The following MTA3 variants were observed in gnomAD, a reference collection of about 807,000 sequenced individuals.
MTA3 encodes metastasis associated 1 family member 3.
A neutral mutation model predicts 83.5 loss-of-function variants in MTA3; 34 were observed. The observed-to-expected ratio is 0.41, with a 90% CI of 0.31 to 0.54. The LOEUF is 0.54. MTA3 is among the 20% of genes least tolerant of loss of function. The pLI, the probability that MTA3 is intolerant of heterozygous loss-of-function variation, is 0.33. For synonymous variants in MTA3, 303 were observed against 252.7 expected, an observed-to-expected ratio of 1.20 and a Z score of -1.89; for missense variants, 761 against 726.4, an observed-to-expected ratio of 1.05 and a Z score of -0.55.
chr2:42,587,380 C>A (rs1361206513), intron 3 of MTA3, among the ~76,000 whole-genome samples: 1 of 152,074 alleles, frequency 6.6e-6, no homozygotes, highest in Non-Finnish European at 1.5e-5. Context: ...AGTGTAAAAA[C>A]TCCCTATATC....
chr2:42,582,594 C>T (rs1179596322), intron 3 of MTA3, among the ~76,000 whole-genome samples: 2 of 151,992 alleles, frequency 1.3e-5, no homozygotes, highest in Non-Finnish European at 1.5e-5. Flanking sequence ...TCGAGATCAG[C>T]CTGGCCAACT....
At position 42,756,633 on chromosome 2, in the gene MTA3, AG is replaced by A; in HGVS notation, c.*3239del. On this transcript the variant is annotated 3_prime_UTR_variant, in exon 17 of 17. Transcript: ENST00000405094. ...AGAGAGGAAACGGCTTTGGGGAGGG[AG>A]GGGGAAGCCTTTATTCTTTACTGTT... 1.0e-6 allele frequency: 1 copy of A among 985,284 alleles called. No homozygotes were observed. The highest frequency in any genetic ancestry group is 1.2e-6 in the Non-Finnish European group (1 of 829,928). The allele number at this position is 985,284 out of a possible 1,614,324, so 61.0% of individuals were successfully genotyped here.
chr2:42,591,746 G>C (rs1313094936), intron 3 of MTA3, among the ~76,000 whole-genome samples: 1 of 152,030 alleles, frequency 6.6e-6, no homozygotes, highest in Non-Finnish European at 1.5e-5. Context: ...CGCCTTCCAG[G>C]TTCAAGCAAT....
At chr2:42,629,280 C>T (rs1293119039) in intron 4 of MTA3, among the ~76,000 whole-genome samples, 3 of 151,958 alleles carry the variant, frequency 2.0e-5, no homozygotes, top group South Asian at 2.1e-4. Context: ...AGGGTTTCAC[C>T]GTGTTGGCCA....
chr2:42,710,549 CA>C (rs765315082), intron 14 of MTA3, among the ~76,000 whole-genome samples: 10,324 of 61,430 alleles, frequency 0.17, 122 homozygotes, highest in East Asian at 0.25. Flanking sequence ...AACTTCATCT[CA>C]AAAAAAAAAA....
At chr2:42,641,066 C>T (rs1291896988) in intron 5 of MTA3, among the ~76,000 whole-genome samples, 3 of 151,958 alleles carry the variant, frequency 2.0e-5, no homozygotes, top group Non-Finnish European at 4.4e-5. Flanking sequence ...GCCACCATAC[C>T]CGGCTAATTT....
At position 42,709,075 on chromosome 2, in the gene MTA3, T is replaced by C. The variant is rs372932105; in HGVS notation, c.1504T>C (p.Tyr502His). ...AAGACGGCCGTTTGTTGCTATTAAT[T>C]ATGCTGCCATTAGGGCAGAATGTAA... ...AARRPFVAIN[Y>H]AAIRAEYADR... The change falls in exon 14 of 17, where the codon TAT (tyrosine) becomes CAT (histidine). Residue 502 changes from tyrosine to histidine, a missense_variant. Physicochemically the swap from Tyr to His is moderately conservative, Grantham distance 83. Transcript: ENST00000405094. The C allele has an allele frequency of 6.2e-7, 1 of 1,606,866 alleles. No individual in the cohort carries two copies. Among genetic ancestry groups the C allele is most frequent in the Non-Finnish European group, 8.5e-7 (1 of 1,176,372 alleles).
intron 3 of MTA3, 122 bp downstream of exon 3, chr2:42,579,322 G>C (rs1679366302): frequency 1.5e-6 from 1 of 689,012 alleles, no homozygotes; most frequent in Non-Finnish European, 2.4e-6. Context: ...TTGTAGTTTT[G>C]ATGGGAGTAA....
intron 8 of MTA3, among the ~76,000 whole-genome samples, chr2:42,664,356 G>T (rs541903703): frequency 6.6e-6 from 1 of 151,358 alleles, no homozygotes; most frequent in Admixed American, 6.6e-5. Context: ...AAGGTTCATT[G>T]GTTGTTTTGT....
intron 6 of MTA3, among the ~76,000 whole-genome samples, chr2:42,646,424 A>G (rs547596813): frequency 5.9e-5 from 9 of 152,344 alleles, no homozygotes; most frequent in South Asian, 4.1e-4. Context: ...TGAGTAGTCA[A>G]TCGAAAACCT....
intron 8 of MTA3, among the ~76,000 whole-genome samples, chr2:42,665,388 C>G (rs1690142463): frequency 2.6e-5 from 2 of 77,084 alleles, no homozygotes; most frequent in Admixed American, 1.6e-4. Context: ...CAAGTTTCCT[C>G]TCAAAAAAAA....
At chr2:42,696,088 A>T (rs1322743076) in intron 10 of MTA3, among the ~76,000 whole-genome samples, 1 of 152,216 alleles carries the variant, frequency 6.6e-6, no homozygotes, top group East Asian at 1.9e-4. Context: ...TTTTCCTTGC[A>T]TTTGACTGAT....
rs768698074 is a variant in MTA3 at position 42,579,180 on chromosome 2, T to C, written c.170T>C (p.Met57Thr). ...CGTGATATTTCCAACACACTTATAA[T>C]GCTCGCAGATAAGCATGCTAGTAAG... is the stretch of plus-strand genomic sequence containing the variant. ...RRRDISNTLI[M>T]LADKHAKEIE... Residue 57 changes from methionine (M) to threonine (T), a missense_variant, in exon 3 of 17, where the codon ATG (methionine) becomes ACG (threonine). Physicochemically the swap from Met to Thr is moderately conservative, Grantham distance 81. Transcript: ENST00000405094. The C allele has an allele frequency of 1.2e-6, 2 of 1,600,474 alleles. No individual in the cohort carries two copies. The highest frequency in any genetic ancestry group is 1.1e-5 in the South Asian group (1 of 87,704).
chr2:42,560,589 C>CAA (rs1677623845), intron 2 of MTA3, among the ~76,000 whole-genome samples: 1 of 149,166 alleles, frequency 6.7e-6, no homozygotes, highest in African/African-American at 2.5e-5. Flanking sequence ...AAAAAACAAA[C>CAA]AAAACACACA....
chr2:42,537,546 C>G (rs1446716205), intron 2 of MTA3, among the ~76,000 whole-genome samples: 1 of 149,750 alleles, frequency 6.7e-6, no homozygotes, highest in Non-Finnish European at 1.5e-5. Flanking sequence ...GCCTGGAAGA[C>G]AAGAGTGAAA....
At chr2:42,615,122 C>T (rs1046553908) in intron 4 of MTA3, among the ~76,000 whole-genome samples, 1 of 152,042 alleles carries the variant, frequency 6.6e-6, no homozygotes, top group Non-Finnish European at 1.5e-5. Flanking sequence ...GAAACCCCAT[C>T]TCTCCTAAAA....
rs374306581 is a variant in MTA3, at chr2:42,640,247, A to G, written c.381+11A>G. On this transcript the variant is annotated intron_variant, in intron 5 of 16. Transcript: ENST00000405094. ...TATCTTGATAAGGAGGTAATTCACA[A>G]TCATAGTTGTTTTGTTTTTTTCTCC... is the stretch of plus-strand genomic sequence containing the variant. 145 of 1,586,646 alleles carry G rather than the reference A, an allele frequency of 9.1e-5. No homozygotes were observed. The highest frequency in any genetic ancestry group is 1.2e-4 in the Non-Finnish European group (138 of 1,166,078).
At chr2:42,719,398 A>G (rs879504402) in intron 15 of MTA3, among the ~76,000 whole-genome samples, 5 of 152,252 alleles carry the variant, frequency 3.3e-5, no homozygotes, top group Admixed American at 2.0e-4. Context: ...TAGGATGAAT[A>G]GTCTTAATAT....
At chr2:42,606,124 C>G (rs1188661007) in intron 3 of MTA3, among the ~76,000 whole-genome samples, 1 of 135,560 alleles carries the variant, frequency 7.4e-6, no homozygotes, top group African/African-American at 2.8e-5. Context: ...AGGGGCTCCT[C>G]ACTTCCCAGT....
Sources: gnomAD v4.1 joint callset for allele counts (sites outside exome capture counted in the v4.1 genomes callset) on GRCh38, gnomAD v4.1.1 for gene constraint, MANE v1.5 for transcripts, NCBI Gene and HGNC (gene_info 2026-07-23, HGNC 2026-07-21) for gene names.